Variants in CFAP161 observed in about 807,000 individuals in gnomAD.
CFAP161 encodes the protein cilia and flagella associated protein 161.
CFAP161 carries 25 observed loss-of-function variants against 29.0 expected under a neutral mutation model. That is an observed-to-expected ratio of 0.86 (90% confidence interval 0.63 to 1.20). The LOEUF (loss-of-function observed/expected upper bound fraction) is 1.20, where lower values mean the gene tolerates loss of function less well. Ranked by LOEUF, CFAP161 falls within the 50% of genes most tolerant of loss-of-function variation. CFAP161 has a pLI of 0.00. For synonymous variants in CFAP161, 116 were observed against 137.4 expected, an observed-to-expected ratio of 0.84 and a Z score of 1.09; for missense variants, 367 against 371.9, an observed-to-expected ratio of 0.99 and a Z score of 0.11.
In CFAP161 at chr15:81,143,687, C is replaced by A. The variant is rs770302330; in HGVS notation, c.503C>A (p.Thr168Asn). 2 of 1,613,818 alleles carry A rather than the reference C, an allele frequency of 1.2e-6. No individual in the cohort carries two copies. The highest frequency in any genetic ancestry group is 1.7e-6 in the Non-Finnish European group (2 of 1,179,790). Residue 168 changes from threonine (T) to asparagine (N), a missense_variant, in exon 5 of 7, where the codon ACC (threonine) becomes AAC (asparagine). By Grantham distance (65) the Thr-to-Asn change is moderately conservative. Coordinates refer to ENST00000286732, the MANE Select transcript of CFAP161 (RefSeq NM_173528.4). The part of the protein sequence containing the change: ...KMLYLSSDHR[T>N]LLKSSKRSWL... Reference sequence around the variant, plus strand: ...TTGTATTTGTCAAGTGACCACAGGACCCTCCTGAAATCGTCTAAGAGGTCT... The same window carrying A: ...TTGTATTTGTCAAGTGACCACAGGAACCTCCTGAAATCGTCTAAGAGGTCT...
At chr15:81,109,488 G>A (rs893921757) in intron 1 of CFAP161, among the ~76,000 whole-genome samples, 1 of 152,104 alleles carries the variant, frequency 6.6e-6, no homozygotes, top group Non-Finnish European at 1.5e-5. Flanking sequence ...GCTTTTTTCG[G>A]TTAGAATTGT....
intron 5 of CFAP161, among the ~76,000 whole-genome samples, chr15:81,146,883 T>TATATA (rs1341133876): frequency 1.8e-5 from 2 of 108,826 alleles, no homozygotes; most frequent in African/African-American, 3.4e-5. Context: ...TATATATATA[T>TATATA]TTAAAAAGCT....
intron 5 of CFAP161, 123 bp downstream of exon 5, chr15:81,143,943 T>A (rs1894961408): frequency 1.8e-6 from 2 of 1,102,744 alleles, no homozygotes; most frequent in Non-Finnish European, 2.5e-6. Flanking sequence ...TTTCTGTCTT[T>A]TTTTTTCCAT....
At chr15:81,139,980 A>G (rs146436290) in intron 4 of CFAP161, among the ~76,000 whole-genome samples, 140 of 152,292 alleles carry the variant, frequency 9.2e-4, no homozygotes, top group Non-Finnish European at 1.6e-3. Context: ...TAAATGTTGT[A>G]CTACTTGTAA....
At chr15:81,112,205 T>TC (rs1459478614) in intron 1 of CFAP161, among the ~76,000 whole-genome samples, 2 of 152,174 alleles carry the variant, frequency 1.3e-5, no homozygotes, top group African/African-American at 4.8e-5. Flanking sequence ...TTTTTTTTTT[T>TC]TCTTTACTAC....
Position 81,127,589 on chromosome 15 carries a change from G to A in CFAP161, c.-141-1G>A, listed in dbSNP as rs1178779022. On this transcript the variant is annotated splice_acceptor_variant, in intron 1 of 4. Transcript: ENST00000560091. LOFTEE classifies it low-confidence loss of function (5UTR_SPLICE). ...TGTATGTTTTTTCTTTTTTTATTAA[G>A]GTGGGCTTATCTAAATCAGATCCCA... 1 of 151,944 alleles carries A rather than the reference G, an allele frequency of 6.6e-6. No homozygotes were observed. Among genetic ancestry groups the A allele is most frequent in the Non-Finnish European group, 1.5e-5 (1 of 67,982 alleles). The allele number at this position is 151,944 out of a possible 1,614,324, so 9.4% of individuals were successfully genotyped here.
chr15:81,148,256 CT>C (rs1895043500), intron 6 of CFAP161, 81 bp from the exon 7 acceptor site: 2 of 1,354,674 alleles, frequency 1.5e-6, no homozygotes, highest in South Asian at 1.3e-5. Flanking sequence ...TCTTAAGGTG[CT>C]TTCGAGATTA....
At position 81,105,281 on chromosome 15, in the gene CFAP161, TTTTTCCTTCCTTTC is replaced by T. The variant is rs1161309654; in HGVS notation, c.-141-22292_-141-22279del. Reference sequence around the variant, plus strand: ...CCTCTTTCTCTTTCTTTCTTTTTCTTTTTTCCTTCCTTTCTTTTCCTTCCTTTCTTCCTTTCTTT... The same window carrying T: ...CCTCTTTCTCTTTCTTTCTTTTTCTTTTTTCCTTCCTTTCTTCCTTTCTTT... On this transcript the variant is annotated intron_variant, in intron 1 of 4. Transcript: ENST00000560091. 5.1e-5 allele frequency among the ~76,000 whole-genome samples: 7 copies of T among 135,962 alleles called. No individual in the cohort carries two copies. The East Asian group carries it at 6.6e-4, about 13-fold the overall frequency. The allele number at this position is 135,962 out of a possible 152,430, so 89.2% of individuals were successfully genotyped here.
At chr15:81,121,268 G>A (rs191732871) in intron 1 of CFAP161, among the ~76,000 whole-genome samples, 2 of 152,024 alleles carry the variant, frequency 1.3e-5, no homozygotes, top group East Asian at 3.8e-4. Flanking sequence ...TACCATGCAA[G>A]ATTCTTTCTT....
intron 5 of CFAP161, among the ~76,000 whole-genome samples, chr15:81,147,122 C>G (rs1483305905): frequency 5.3e-5 from 8 of 151,870 alleles, no homozygotes; most frequent in Non-Finnish European, 1.2e-4. Context: ...AATGCAGATT[C>G]ACCGAGCACA....
chr15:81,133,496 C>T (rs531906572), upstream of CFAP161, among the ~76,000 whole-genome samples: 2 of 152,208 alleles, frequency 1.3e-5, no homozygotes, highest in African/African-American at 4.8e-5. Flanking sequence ...TTACTAGACA[C>T]TAAATAGAGG....
At chr15:81,131,147 A>G (rs1361223442), upstream of CFAP161, among the ~76,000 whole-genome samples, 2 of 151,860 alleles carry the variant, frequency 1.3e-5, no homozygotes, top group Non-Finnish European at 2.9e-5. Context: ...AAAAAAAAAA[A>G]AAAAAAAAGA....
At chr15:81,124,446 C>CA (rs1894614869) in intron 1 of CFAP161, among the ~76,000 whole-genome samples, 2 of 150,518 alleles carry the variant, frequency 1.3e-5, no homozygotes, top group South Asian at 4.2e-4. Flanking sequence ...CATTGATGTT[C>CA]ACCAAGGATA....
chr15:81,143,938 G>T, intron 5 of CFAP161, 118 bp downstream of exon 5: 14 of 1,160,366 alleles, frequency 1.2e-5, no homozygotes, highest in Admixed American at 3.0e-5. Flanking sequence ...TCTCTTTTCT[G>T]TCTTTTTTTT....
chr15:81,136,793 T>G, intron 3 of CFAP161, 45 bp downstream of exon 3: 1 of 1,519,862 alleles, frequency 6.6e-7, no homozygotes, highest in Non-Finnish European at 9.1e-7. Flanking sequence ...ATAAATATGT[T>G]TCACTTGTAG....
intron 1 of CFAP161, among the ~76,000 whole-genome samples, chr15:81,105,157 C>A (rs1221947139): frequency 1.6e-4 from 3 of 19,036 alleles, no homozygotes; most frequent in Non-Finnish European, 4.1e-4. Context: ...CCCTCCCTCC[C>A]TCCCTTCCTT....
At chr15:81,120,026 A>G (rs1158527978) in intron 1 of CFAP161, among the ~76,000 whole-genome samples, 1 of 152,212 alleles carries the variant, frequency 6.6e-6, no homozygotes, top group African/African-American at 2.4e-5. Context: ...AACCTCTTTA[A>G]AGCCCAGTTT....
intron 1 of CFAP161, among the ~76,000 whole-genome samples, chr15:81,100,730 G>A (rs56346876): frequency 0.088 from 12,996 of 147,668 alleles, 674 homozygotes; most frequent in East Asian, 0.16. Context: ...AAGAGACACA[G>A]GCTCGCCATG....
At chr15:81,105,100 C>CCCTCCCTCCCTTCCTCCCTCCCTCCCTT (rs1194368296) in intron 1 of CFAP161, among the ~76,000 whole-genome samples, 1 of 65,294 alleles carries the variant, frequency 1.5e-5, no homozygotes, top group Admixed American at 1.4e-4. Flanking sequence ...TTCCCTCCCT[C>CCCTCCCTCCCTTCCTCCCTCCCTCCCTT]CCTCCCTTCC....
Sources: allele counts gnomAD v4.1 joint callset (sites outside exome capture counted in the v4.1 genomes callset), GRCh38; gene constraint gnomAD v4.1.1; transcripts MANE v1.5; gene names NCBI Gene and HGNC (gene_info 2026-07-23, HGNC 2026-07-21).